RARB: variants seen among roughly 807,000 people sequenced by gnomAD.
The protein encoded by RARB is HBV-activated protein.
Under a neutral mutation model 51.9 loss-of-function variants are expected in RARB, and 17 were observed. The observed-to-expected ratio is 0.33, with a 90% CI of 0.22 to 0.49. The LOEUF is 0.49. Ranked by LOEUF, RARB falls within the 20% of genes least tolerant of loss-of-function variation. RARB has a pLI of 0.99. For missense variants in RARB, 369 were observed against 550.8 expected, an observed-to-expected ratio of 0.67 and a Z score of 3.30; for synonymous variants, 215 against 195.4, an observed-to-expected ratio of 1.10 and a Z score of -0.84.
At chr3:25,242,083 T>C (rs1167243131) in intron 5 of RARB, among the ~76,000 whole-genome samples, 1 of 152,244 alleles carries the variant, frequency 6.6e-6, no homozygotes, top group Non-Finnish European at 1.5e-5. Flanking sequence ...TCTTTTCATA[T>C]GTTTTTTGGC....
intron 5 of RARB, among the ~76,000 whole-genome samples, chr3:25,242,798 T>C (rs1702464601): frequency 6.6e-6 from 1 of 152,218 alleles, no homozygotes; most frequent in South Asian, 2.1e-4. Context: ...TGGGCTCTTT[T>C]TTGGTTCCAT....
intron 2 of RARB, among the ~76,000 whole-genome samples, chr3:25,014,632 T>C (rs1237211322): frequency 6.6e-6 from 1 of 152,126 alleles, no homozygotes; most frequent in Non-Finnish European, 1.5e-5. Context: ...ATGTTCCTGA[T>C]TGACAGACTT....
At chr3:25,264,364 A>ATTT (rs60901434) in intron 5 of RARB, among the ~76,000 whole-genome samples, 6 of 151,402 alleles carry the variant, frequency 4.0e-5, no homozygotes, top group Non-Finnish European at 4.4e-5. Flanking sequence ...AAGATCTACT[A>ATTT]TTTTTTTTTA....
At chr3:25,468,827 G>T (rs1440546059) in intron 2 of RARB, among the ~76,000 whole-genome samples, 1 of 152,226 alleles carries the variant, frequency 6.6e-6, no homozygotes, top group Non-Finnish European at 1.5e-5. Context: ...GTTCCCAGAT[G>T]CAGCTTTGTC....
intron 4 of RARB, among the ~76,000 whole-genome samples, chr3:25,141,804 A>G (rs944472810): frequency 2.0e-5 from 3 of 152,204 alleles, no homozygotes; most frequent in African/African-American, 7.2e-5. Flanking sequence ...TAATAAAATG[A>G]AGCTACTTTT....
At chr3:25,068,660 T>C (rs1698711127) in intron 3 of RARB, among the ~76,000 whole-genome samples, 1 of 152,130 alleles carries the variant, frequency 6.6e-6, no homozygotes, top group Non-Finnish European at 1.5e-5. Flanking sequence ...CTAAAAGGAC[T>C]TGACTGGGCT....
At chr3:25,085,240 A>G (rs1699084166) in intron 3 of RARB, among the ~76,000 whole-genome samples, 1 of 152,184 alleles carries the variant, frequency 6.6e-6, no homozygotes, top group African/African-American at 2.4e-5. Flanking sequence ...TTCTTTAACA[A>G]ACATAACAAT....
Position 24,982,629 on chromosome 3 carries a change from A to G in RARB, c.-379-77496A>G, listed in dbSNP as rs115540647. 9.8e-3 allele frequency among the ~76,000 whole-genome samples: 1,488 copies of G among 152,258 alleles called. 20 individuals are homozygous for G. Among genetic ancestry groups the G allele is most frequent in the African/African-American group, 0.035 (1,435 of 41,528 alleles). On this transcript the variant is annotated intron_variant, in intron 2 of 11. Coordinates refer to the RARB transcript ENST00000383772. ...AGAAAAGAAGTGAAATCAGAGTACAAACATAAGCTCCCCTCCTCCCTTTTC... is the reference window on the plus strand; with the variant it reads ...AGAAAAGAAGTGAAATCAGAGTACAGACATAAGCTCCCCTCCTCCCTTTTC...
intron 5 of RARB, among the ~76,000 whole-genome samples, chr3:25,302,456 A>G (rs968613481): frequency 6.6e-6 from 1 of 152,270 alleles, no homozygotes; most frequent in Non-Finnish European, 1.5e-5. Flanking sequence ...GATACATGTT[A>G]CAACATGGAT....
chr3:25,149,473 T>G (rs1468054234), intron 4 of RARB, among the ~76,000 whole-genome samples: 2 of 152,230 alleles, frequency 1.3e-5, no homozygotes, highest in East Asian at 3.9e-4. Flanking sequence ...CCAAACCATT[T>G]CCATGATGGA....
chr3:25,350,095 T>C (rs1176068725), intron 5 of RARB, among the ~76,000 whole-genome samples: 1 of 152,144 alleles, frequency 6.6e-6, no homozygotes, highest in Non-Finnish European at 1.5e-5. Context: ...AAGCAGAAAC[T>C]ACCAGACTTT....
intron 2 of RARB, among the ~76,000 whole-genome samples, chr3:25,044,026 AT>A (rs145869117): frequency 1.5e-4 from 22 of 148,834 alleles, no homozygotes; most frequent in Middle Eastern, 3.5e-3. Flanking sequence ...AGGTTTTCCC[AT>A]TTTTTTTTTA....
chr3:24,859,273 A>C (rs1306739623), intron 2 of RARB, among the ~76,000 whole-genome samples: 1 of 151,996 alleles, frequency 6.6e-6, no homozygotes, highest in Non-Finnish European at 1.5e-5. Context: ...TGGGAGCTTG[A>C]GGGTTTTGCT....
intron 5 of RARB, among the ~76,000 whole-genome samples, chr3:25,272,885 G>A (rs1703287046): frequency 6.6e-6 from 1 of 152,144 alleles, no homozygotes; most frequent in Non-Finnish European, 1.5e-5. Flanking sequence ...ATCTTCCCCT[G>A]TTAAACTACA....
chr3:25,009,480 C>T (rs1697348279), intron 2 of RARB, among the ~76,000 whole-genome samples: 1 of 152,080 alleles, frequency 6.6e-6, no homozygotes, highest in Non-Finnish European at 1.5e-5. Flanking sequence ...CATAAAAATT[C>T]AGATCCCGTG....
intron 5 of RARB, among the ~76,000 whole-genome samples, chr3:25,319,456 G>A (rs1037419791): frequency 1.3e-5 from 2 of 152,168 alleles, no homozygotes; most frequent in Non-Finnish European, 2.9e-5. Context: ...TTATGGGTAA[G>A]ACTGTCATCA....
chr3:24,865,430 T>C (rs1429864798), intron 2 of RARB, among the ~76,000 whole-genome samples: 1 of 152,146 alleles, frequency 6.6e-6, no homozygotes, highest in Non-Finnish European at 1.5e-5. Context: ...ATCCTCACAA[T>C]ACCCAGTGTA....
rs181510166 is a variant in RARB, at chr3:25,458,575, C to A, written c.158-2618C>A. On this transcript the variant is annotated intron_variant, in intron 1 of 7. Coordinates refer to ENST00000330688, the MANE Select transcript of RARB (RefSeq NM_000965.5). ...ATAAGCTTTAGTGACATCTCAGATA[C>A]CAGCCCTTCTATAAAACAGTTGCTG... Among the ~76,000 whole-genome samples, 3 of 152,238 alleles carry A rather than the reference C, an allele frequency of 2.0e-5. No individual in the cohort carries two copies. The East Asian group carries it at 5.8e-4, about 29-fold the overall frequency.
intron 5 of RARB, among the ~76,000 whole-genome samples, chr3:25,181,144 T>A (rs1239902058): frequency 6.6e-6 from 1 of 152,146 alleles, no homozygotes; most frequent in African/African-American, 2.4e-5. Context: ...AAGCACTTTG[T>A]CTGTCTTTAA....
Sources: gnomAD v4.1 joint callset for allele counts (sites outside exome capture counted in the v4.1 genomes callset) on GRCh38, gnomAD v4.1.1 for gene constraint, MANE v1.5 for transcripts, NCBI Gene and HGNC (gene_info 2026-07-23, HGNC 2026-07-21) for gene names.